The following AFDN variants were observed in gnomAD, a reference collection of about 807,000 sequenced individuals.
AFDN encodes afadin.
AFDN carries 68 observed loss-of-function variants against 216.6 expected under a neutral mutation model. The ratio of observed to expected loss-of-function variants is 0.31; its 90% CI spans 0.26 to 0.38. The LOEUF is 0.38. Among genes scored for constraint, AFDN ranks in the 10% least tolerant of loss-of-function variants. AFDN has a pLI of 1.00. For synonymous variants in AFDN, 868 were observed against 853.7 expected (o/e 1.02, Z -0.29); for missense variants, 2,136 against 2,342.0 (o/e 0.91, Z 1.82).
At chr6:167,881,649 C>T (rs948635395) in intron 6 of AFDN, among the ~76,000 whole-genome samples, 9 of 152,134 alleles carry the variant, frequency 5.9e-5, no homozygotes, top group African/African-American at 9.7e-5. Context: ...CAGACTCCAC[C>T]GGATTCACTT....
intron 1 of AFDN, among the ~76,000 whole-genome samples, chr6:167,844,920 C>T (rs771667446): frequency 3.3e-4 from 48 of 143,734 alleles, no homozygotes; most frequent in Non-Finnish European, 5.5e-4. Flanking sequence ...AGTGCAGTGG[C>T]GCGATCATAG....
At chr6:167,911,919 C>G (rs530259121) in intron 15 of AFDN, 1 of 182,842 alleles carries the variant, frequency 5.5e-6, no homozygotes, top group South Asian at 1.2e-4. Context: ...AGCGATACCC[C>G]TCAAGTAGTT....
chr6:167,966,339 C>T, intron 32 of AFDN: 1 of 1,315,838 alleles, frequency 7.6e-7, no homozygotes, highest in Non-Finnish European at 1.0e-6. Context: ...TCTCTCTGCA[C>T]ACTTGCCCTG....
intron 22 of AFDN, among the ~76,000 whole-genome samples, chr6:167,924,094 T>C (rs1412024693): frequency 6.6e-6 from 1 of 151,138 alleles, no homozygotes; most frequent in Non-Finnish European, 1.5e-5. Flanking sequence ...CAGGTTTTGA[T>C]TTAAAAAAAA....
intron 30 of AFDN, among the ~76,000 whole-genome samples, chr6:167,957,334 A>G (rs1796622050): frequency 1.3e-5 from 2 of 152,208 alleles, no homozygotes; most frequent in Admixed American, 1.3e-4. Flanking sequence ...CGCCACCTCC[A>G]TGGGAACAGT....
rs1450534190 is a variant in AFDN, at chr6:167,911,105, C to G, written c.1774C>G (p.Gln592Glu). 3 of 1,612,488 alleles carry G rather than the reference C, an allele frequency of 1.9e-6. No individual in the cohort carries two copies. The highest frequency in any genetic ancestry group is 2.5e-6 in the Non-Finnish European group (3 of 1,179,498). Residue 592 changes from glutamine to glutamate, a missense_variant, in exon 14 of 34, where the codon CAG becomes GAG. Transcript: ENST00000683244. ...PDYRRQESRT[Q>E]DASGPELILP... ...ATGTCAGCTTTCTTCTTTTAGAACA[C>G]AGGATGCTTCTGGGCCTGAGCTGAT...
At chr6:167,889,166 A>C (rs747160521) in intron 6 of AFDN, 49 bp from the exon 7 acceptor site, 2 of 1,253,858 alleles carry the variant, frequency 1.6e-6, no homozygotes, top group Non-Finnish European at 2.3e-6. Context: ...AGTACTTGTT[A>C]ACTTAGTTAC....
chr6:167,913,754 T>C (rs1790699144), intron 16 of AFDN: 3 of 433,236 alleles, frequency 6.9e-6, no homozygotes, highest in Non-Finnish European at 1.2e-5. Flanking sequence ...AGATCAGTAC[T>C]TGATACTGAG....
chr6:167,834,470 T>TC (rs1188062441), intron 1 of AFDN, among the ~76,000 whole-genome samples: 1 of 145,910 alleles, frequency 6.9e-6, no homozygotes, highest in Non-Finnish European at 1.5e-5. Context: ...TTTTTTTTTT[T>TC]TTTTTTTTTC....
intron 6 of AFDN, among the ~76,000 whole-genome samples, chr6:167,888,962 A>AG (rs1787219058): frequency 6.6e-6 from 1 of 152,164 alleles, no homozygotes; most frequent in Admixed American, 6.5e-5. Flanking sequence ...TGTAAAAAAA[A>AG]AAAATATTTA....
intron 31 of AFDN, chr6:167,963,343 G>T: frequency 9.4e-7 from 1 of 1,060,766 alleles, no homozygotes; most frequent in Non-Finnish European, 1.1e-6. Context: ...TGTGGTTTGA[G>T]AGAAGCTGCT....
rs528461199 is a variant in AFDN at position 167,859,332 on chromosome 6, G to A, written c.106-5219G>A. ...TGTTTTGTGTACTAGCAACTGGTGT[G>A]TGTTGAAGGCACAGCTGTATTTTTT... On this transcript the variant is annotated intron_variant, in intron 1 of 33. Transcript: ENST00000683244. Among the ~76,000 whole-genome samples the A allele has an allele frequency of 3.5e-4, 53 of 152,266 alleles. No homozygotes were observed. The South Asian group carries it at 0.011, about 32-fold the overall frequency.
intron 20 of AFDN, 140 bp from the exon 21 acceptor site, chr6:167,918,595 A>G (rs1416496966): frequency 8.9e-6 from 7 of 786,806 alleles, no homozygotes; most frequent in Non-Finnish European, 1.5e-5. Flanking sequence ...TCCCTCCGTA[A>G]CCCTGCGTCT....
At chr6:167,897,073 C>A (rs1344584041) in intron 10 of AFDN, 101 bp downstream of exon 10, 7 of 542,064 alleles carry the variant, frequency 1.3e-5, no homozygotes, top group Non-Finnish European at 1.6e-5. Flanking sequence ...ATTATAATTA[C>A]CGACTTGTAT....
chr6:167,901,100 T>C (rs1339177829), intron 11 of AFDN, among the ~76,000 whole-genome samples: 1 of 152,236 alleles, frequency 6.6e-6, no homozygotes, highest in Non-Finnish European at 1.5e-5. Flanking sequence ...GTTTTCAACT[T>C]TTACATTACT....
At chr6:167,943,549 G>A in intron 25 of AFDN, 74 bp downstream of exon 25, 3 of 1,243,778 alleles carry the variant, frequency 2.4e-6, no homozygotes, top group South Asian at 1.2e-5. Flanking sequence ...GTTGAAATTG[G>A]AAGATAAAAA....
intron 11 of AFDN, among the ~76,000 whole-genome samples, chr6:167,899,799 A>G (rs1788719168): frequency 6.6e-6 from 1 of 152,184 alleles, no homozygotes; most frequent in Non-Finnish European, 1.5e-5. Context: ...GCCCTTATAT[A>G]CAAATGCCCT....
chr6:167,875,546 T>C, intron 5 of AFDN, 51 bp downstream of exon 5: 1 of 1,583,192 alleles, frequency 6.3e-7, no homozygotes, highest in East Asian at 2.2e-5. Context: ...GAGCATTGTT[T>C]AATTACACTG....
intron 1 of AFDN, among the ~76,000 whole-genome samples, chr6:167,837,265 T>C (rs3800516): frequency 0.11 from 16,867 of 152,200 alleles, 1,105 homozygotes; most frequent in South Asian, 0.23. Flanking sequence ...TTAAAAAATA[T>C]TTGCTTCTTT....
Sources: allele counts gnomAD v4.1 joint callset (sites outside exome capture counted in the v4.1 genomes callset), GRCh38; gene constraint gnomAD v4.1.1; transcripts MANE v1.5; gene names NCBI Gene and HGNC (gene_info 2026-07-23, HGNC 2026-07-21).